The following POLR3B variants were observed in gnomAD, a reference collection of about 807,000 sequenced individuals.
POLR3B encodes the protein DNA-directed RNA polymerase III subunit RPC2.
A neutral mutation model predicts 147.4 loss-of-function variants in POLR3B; 96 were observed. The ratio of observed to expected loss-of-function variants is 0.65; its 90% CI spans 0.55 to 0.77. POLR3B has a LOEUF of 0.77. POLR3B is among the 30% of genes least tolerant of loss of function. POLR3B has a pLI of 0.00. For missense variants in POLR3B, 1,036 were observed against 1,413.5 expected (o/e 0.73, Z 4.28); for synonymous variants, 461 against 485.9 (o/e 0.95, Z 0.67).
At chr12:106,403,981 AAAG>A (rs1411036371) in intron 10 of POLR3B, among the ~76,000 whole-genome samples, 1 of 152,116 alleles carries the variant, frequency 6.6e-6, no homozygotes, top group African/African-American at 2.4e-5. Context: ...ATTTTAAAAA[AAAG>A]AATTGTTGAA....
chr12:106,410,740 A>G (rs1310737215), intron 11 of POLR3B, 86 bp from the exon 12 acceptor site: 20 of 1,063,334 alleles, frequency 1.9e-5, no homozygotes, highest in Middle Eastern at 2.2e-4. Context: ...TCTTAGTTGA[A>G]TGTTATAGTA....
At chr12:106,503,482 G>T (rs954579533) in intron 26 of POLR3B, among the ~76,000 whole-genome samples, 1 of 152,086 alleles carries the variant, frequency 6.6e-6, no homozygotes, top group African/African-American at 2.4e-5. Flanking sequence ...CCTACATGGG[G>T]TTGCCTAAAT....
chr12:106,437,331 T>C (rs1361747704), intron 17 of POLR3B, among the ~76,000 whole-genome samples, 200 bp downstream of exon 17: 2 of 152,222 alleles, frequency 1.3e-5, no homozygotes, highest in Admixed American at 6.5e-5. Flanking sequence ...CTAGTCTTGA[T>C]GTCAGTTAGT....
At chr12:106,479,956 G>A (rs928306079) in intron 23 of POLR3B, among the ~76,000 whole-genome samples, 14 of 151,174 alleles carry the variant, frequency 9.3e-5, no homozygotes, top group Admixed American at 2.0e-4. Context: ...TGCACTACAG[G>A]CATGCACCAC....
At chr12:106,457,048 G>A (rs2137030212) in intron 20 of POLR3B, 90 bp from the exon 21 acceptor site, 1 of 1,075,152 alleles carries the variant, frequency 9.3e-7, no homozygotes, top group South Asian at 1.3e-5. Context: ...GGAGGGTGAG[G>A]TGGAGTGGAT....
chr12:106,467,487 A>G (rs1177027025), intron 23 of POLR3B, among the ~76,000 whole-genome samples: 2 of 152,248 alleles, frequency 1.3e-5, no homozygotes, highest in East Asian at 1.9e-4. Context: ...TTCCAACACT[A>G]TGTTGAATAG....
Position 106,359,223 on chromosome 12 carries a change from A to ACAAAACAAAAACATCAGG in POLR3B, c.72+1278_72+1279insAAAAACATCAGGCAAAAC, listed in dbSNP as rs529921383. On this transcript the variant is annotated intron_variant, in intron 1 of 27. Coordinates refer to ENST00000228347, the MANE Select transcript of POLR3B (RefSeq NM_018082.6). ...GAGACCTTGTCTCAAGGAAAACAAA[A>ACAAAACAAAAACATCAGG]CAAAACCTCTTTATAATAGTTTGAC... Among the ~76,000 whole-genome samples the ACAAAACAAAAACATCAGG allele has an allele frequency of 2.0e-4, 30 of 152,330 alleles. No homozygotes were observed. In the South Asian group the frequency reaches 5.2e-3, roughly 26 times the overall value.
chr12:106,503,226 C>G (rs12317819), intron 26 of POLR3B, among the ~76,000 whole-genome samples: 1,759 of 152,270 alleles, frequency 0.012, 26 homozygotes, highest in African/African-American at 0.04. Context: ...TCTACAACTT[C>G]TTTGATTTCA....
chr12:106,409,006 A>G (rs1024236033), intron 11 of POLR3B, among the ~76,000 whole-genome samples: 12 of 152,204 alleles, frequency 7.9e-5, no homozygotes, highest in Admixed American at 6.5e-4. Flanking sequence ...GTAAATATCC[A>G]TATTTATTTC....
intron 12 of POLR3B, among the ~76,000 whole-genome samples, chr12:106,411,175 G>T (rs554218658): frequency 6.6e-6 from 1 of 151,882 alleles, no homozygotes; most frequent in Non-Finnish European, 1.5e-5. Flanking sequence ...TTTTGCTCTG[G>T]TTGCCCAGGC....
chr12:106,438,759 C>T (rs879752715), intron 18 of POLR3B, among the ~76,000 whole-genome samples: 6 of 152,172 alleles, frequency 3.9e-5, no homozygotes, highest in Non-Finnish European at 5.9e-5. Context: ...ATATACTTAC[C>T]TCTGTTAGAG....
chr12:106,420,158 T>G (rs1287016744), intron 12 of POLR3B, among the ~76,000 whole-genome samples: 3 of 152,146 alleles, frequency 2.0e-5, no homozygotes, highest in Non-Finnish European at 4.4e-5. Flanking sequence ...ACAGCATCAC[T>G]TATGTTTATT....
intron 21 of POLR3B, 123 bp from the exon 22 acceptor site, chr12:106,459,128 G>A (rs972689956): frequency 1.4e-6 from 1 of 717,754 alleles, no homozygotes; most frequent in African/African-American, 1.7e-5. Flanking sequence ...GGTTCAAGCA[G>A]TCCTCCTACC....
intron 12 of POLR3B, among the ~76,000 whole-genome samples, chr12:106,426,013 G>A (rs950026792): frequency 1.2e-4 from 19 of 152,116 alleles, no homozygotes; most frequent in African/African-American, 4.1e-4. Flanking sequence ...GTTTTACAGT[G>A]TTTCATTATA....
chr12:106,486,060 C>T (rs183827321), intron 23 of POLR3B, among the ~76,000 whole-genome samples: 2,415 of 151,984 alleles, frequency 0.016, 37 homozygotes, highest in South Asian at 0.047. Flanking sequence ...GAGGCCGAGG[C>T]GGGCAGATCA....
chr12:106,453,582 T>C (rs555858908), intron 19 of POLR3B, among the ~76,000 whole-genome samples: 10 of 152,214 alleles, frequency 6.6e-5, no homozygotes, highest in African/African-American at 2.4e-4. Flanking sequence ...AGAGGCTCAG[T>C]AGCCCACACT....
In POLR3B at chr12:106,459,257, A is replaced by C. The variant is rs777811614; in HGVS notation, c.2459A>C (p.Lys820Thr). ...ACTTTTCTTTTTTTCTCAGGTGAGA[A>C]AGTAGAAAACAAACAAGTGCTTGTA... ...DADGICSPGEKVENKQVLVNK... is the reference protein window; with the variant it reads ...DADGICSPGETVENKQVLVNK... The change falls in exon 22 of 28, where the codon AAA becomes ACA. Residue 820 changes from lysine to threonine, a missense_variant. Lys to Thr is a moderately conservative substitution (Grantham distance 78, BLOSUM62 -1). This residue lies in a region of POLR3B where 202 missense variants were observed against 272.8 expected (regional missense o/e 0.74). Transcript: ENST00000228347. 7.6e-6 allele frequency: 12 copies of C among 1,573,406 alleles called. No homozygotes were observed. Among genetic ancestry groups the C allele is most frequent in the Non-Finnish European group, 1.0e-5 (12 of 1,143,056 alleles).
rs566540180 is a variant in POLR3B at position 106,357,770 on chromosome 12, G to A, written c.-110G>A. On this transcript the variant is annotated 5_prime_UTR_variant, in exon 1 of 28. Transcript: ENST00000228347. ...CGCGTCTCTAGCTAACACGCACGGC[G>A]GGGACAGTTTAGGCCTCCGCGCACC... 15 of 1,074,412 alleles carry A rather than the reference G, an allele frequency of 1.4e-5. No homozygotes were observed. Among genetic ancestry groups the A allele is most frequent in the Middle Eastern group, 2.6e-4 (1 of 3,774 alleles). 66.6% of individuals were successfully genotyped at this position (1,074,412 alleles called of 1,614,324 possible). A position where few individuals can be genotyped will look rare whatever the true frequency, so the allele number is the denominator to read the frequency against.
At chr12:106,430,573 C>A in intron 14 of POLR3B, 100 bp downstream of exon 14, 1 of 852,076 alleles carries the variant, frequency 1.2e-6, no homozygotes, top group Non-Finnish European at 2.0e-6. Context: ...ATCTCCAGGC[C>A]ATATCCTTTC....
Sources: allele counts gnomAD v4.1 joint callset (sites outside exome capture counted in the v4.1 genomes callset), GRCh38; gene constraint gnomAD v4.1.1; regional missense constraint gnomAD v4.1.1; transcripts MANE v1.5; gene names NCBI Gene and HGNC (gene_info 2026-07-23, HGNC 2026-07-21).